PIK3AP1: variants seen among roughly 807,000 people sequenced by gnomAD.
PIK3AP1 encodes the protein phosphoinositide-3-kinase adaptor protein 1.
A neutral mutation model predicts 88.1 loss-of-function variants in PIK3AP1; 21 were observed. That is an observed-to-expected ratio of 0.24 (90% CI 0.17 to 0.34). The LOEUF is 0.34. Ranked by LOEUF, PIK3AP1 falls within the 10% of genes least tolerant of loss-of-function variation. The probability of loss-of-function intolerance (pLI) is 1.00; values close to 1 mark genes in which losing one functional copy is unlikely to be tolerated. For synonymous variants in PIK3AP1, 398 were observed against 400.0 expected, an observed-to-expected ratio of 1.00 and a Z score of 0.06; for missense variants, 828 against 1,035.7, an observed-to-expected ratio of 0.80 and a Z score of 2.75.
intron 3 of PIK3AP1, among the ~76,000 whole-genome samples, chr10:96,656,450 C>T (rs1320169609): frequency 1.3e-5 from 2 of 152,314 alleles, no homozygotes. Flanking sequence ...TCCTTCCTCC[C>T]AGCACTAGGC....
At chr10:96,678,292 A>G (rs1843952899) in intron 2 of PIK3AP1, among the ~76,000 whole-genome samples, 1 of 152,062 alleles carries the variant, frequency 6.6e-6, no homozygotes, top group Non-Finnish European at 1.5e-5. Context: ...AAAATTAGCT[A>G]GGCGTGGTGG....
intron 2 of PIK3AP1, among the ~76,000 whole-genome samples, chr10:96,675,759 C>A (rs1334898489): frequency 6.6e-6 from 1 of 152,152 alleles, no homozygotes; most frequent in Non-Finnish European, 1.5e-5. Context: ...GTGTCTGCCA[C>A]ATAGTAAGTG....
In PIK3AP1 at chr10:96,720,067, G is replaced by A. The variant is rs1564995203; in HGVS notation, c.13+315C>T. ...TTCTCTCAACTCGCCTCTCGCTTCA[G>A]AGTCGGAGGGACAGGGGAAGCGACG... On this transcript the variant is annotated intron_variant, in intron 1 of 16. Coordinates refer to ENST00000339364, the MANE Select transcript of PIK3AP1 (RefSeq NM_152309.3). This position sits in a 1 kb window ranked among gnomAD's most constrained non-coding sequence, Gnocchi z 4.6. Among the ~76,000 whole-genome samples, 1 of 152,180 alleles carries A rather than the reference G, an allele frequency of 6.6e-6. No homozygotes were observed. The highest frequency in any genetic ancestry group is 1.5e-5 in the Non-Finnish European group (1 of 68,026).
intron 2 of PIK3AP1, among the ~76,000 whole-genome samples, chr10:96,671,626 T>C (rs1175668169): frequency 6.6e-6 from 1 of 152,152 alleles, no homozygotes; most frequent in African/African-American, 2.4e-5. Flanking sequence ...GAAGTGTTAG[T>C]GTGAGTTAAT....
intron 8 of PIK3AP1, among the ~76,000 whole-genome samples, chr10:96,643,142 T>G (rs1843413880): frequency 6.6e-6 from 1 of 152,108 alleles, no homozygotes; most frequent in African/African-American, 2.4e-5. Context: ...ATGGATAGGA[T>G]GATGGGCAAG....
intron 13 of PIK3AP1, 53 bp downstream of exon 13, chr10:96,616,586 C>T (rs1849218394): frequency 3.8e-6 from 6 of 1,585,846 alleles, no homozygotes; most frequent in Middle Eastern, 3.3e-4. Context: ...GAGTCAAGGA[C>T]AACAGATGAC....
At chr10:96,607,445 G>A (rs964837422) in intron 14 of PIK3AP1, among the ~76,000 whole-genome samples, 3 of 152,176 alleles carry the variant, frequency 2.0e-5, no homozygotes, top group African/African-American at 7.2e-5. Context: ...ATTAATGGAA[G>A]CAGCTATCTA....
At chr10:96,654,002 T>G (rs1385444703) in intron 3 of PIK3AP1, among the ~76,000 whole-genome samples, 1 of 152,192 alleles carries the variant, frequency 6.6e-6, no homozygotes, top group African/African-American at 2.4e-5. Context: ...ATGCAGAGTC[T>G]CAGGCCCCTC....
At chr10:96,652,501 A>G (rs1843552785) in intron 4 of PIK3AP1, among the ~76,000 whole-genome samples, 197 bp downstream of exon 4, 1 of 152,024 alleles carries the variant, frequency 6.6e-6, no homozygotes, top group Non-Finnish European at 1.5e-5. Context: ...TGAACCTGGG[A>G]GGTGGAGCTT....
chr10:96,670,423 C>G (rs990487490), intron 2 of PIK3AP1, among the ~76,000 whole-genome samples: 1 of 152,114 alleles, frequency 6.6e-6, no homozygotes, highest in African/African-American at 2.4e-5. Context: ...CAAAGCCTAT[C>G]CCAGGCTCCC....
chr10:96,651,731 C>T (rs1224476204), intron 4 of PIK3AP1, 80 bp from the exon 5 acceptor site: 6 of 1,486,234 alleles, frequency 4.0e-6, no homozygotes, highest in African/African-American at 1.4e-5. Context: ...TATACACACT[C>T]CATCTGAGTG....
chr10:96,679,523 G>A (rs944478389), intron 2 of PIK3AP1, among the ~76,000 whole-genome samples: 14 of 150,178 alleles, frequency 9.3e-5, no homozygotes, highest in Non-Finnish European at 1.3e-4. Flanking sequence ...GCAAGACTCC[G>A]TCTCAAAAAA....
intron 14 of PIK3AP1, among the ~76,000 whole-genome samples, chr10:96,609,190 T>G (rs1849060319): frequency 6.6e-6 from 1 of 152,272 alleles, no homozygotes; most frequent in Admixed American, 6.5e-5. Flanking sequence ...TACATTGTTT[T>G]CTGATATTTC....
intron 2 of PIK3AP1, among the ~76,000 whole-genome samples, chr10:96,685,137 C>G (rs1399804393): frequency 6.6e-6 from 1 of 152,164 alleles, no homozygotes; most frequent in Admixed American, 6.5e-5. Context: ...TCTACAAATG[C>G]CACAAAATTC....
chr10:96,715,538 T>C (rs561978875), intron 1 of PIK3AP1, among the ~76,000 whole-genome samples: 4 of 152,372 alleles, frequency 2.6e-5, no homozygotes, highest in African/African-American at 9.6e-5. Flanking sequence ...GAACTCTCTG[T>C]ACTATCTTTG....
chr10:96,688,058 C>G (rs1314496370), intron 2 of PIK3AP1, among the ~76,000 whole-genome samples: 1 of 152,192 alleles, frequency 6.6e-6, no homozygotes. Flanking sequence ...AGAGTAAGCA[C>G]ACTCTTTCTC....
At chr10:96,682,741 C>T (rs981748163) in intron 2 of PIK3AP1, among the ~76,000 whole-genome samples, 53 of 152,204 alleles carry the variant, frequency 3.5e-4, no homozygotes, top group Admixed American at 2.0e-4. Context: ...CAGGGTTTTC[C>T]ATAAACTGAA....
chr10:96,661,822 CAGGACAGGAA>C (rs1843691069), intron 2 of PIK3AP1, among the ~76,000 whole-genome samples: 1 of 139,064 alleles, frequency 7.2e-6, no homozygotes, highest in Non-Finnish European at 1.5e-5. Context: ...CAGGACAGGA[CAGGACAGGAA>C]AGGAAAGGGA....
In PIK3AP1 at chr10:96,663,726, A is replaced by G. The variant is rs529437806; in HGVS notation, c.431-6792T>C. 4.6e-5 allele frequency among the ~76,000 whole-genome samples: 7 copies of G among 151,944 alleles called. No individual in the cohort carries two copies. In the South Asian group the frequency reaches 1.0e-3, roughly 23 times the overall value. ...ATGATAAGGGGCTAATCTTCTTAAT[A>G]TACGAAGATGTCACGAAATCTCTTT... On this transcript the variant is annotated intron_variant, in intron 2 of 16. Transcript: ENST00000339364.
Sources: allele counts gnomAD v4.1 joint callset (sites outside exome capture counted in the v4.1 genomes callset), GRCh38; gene constraint gnomAD v4.1.1; non-coding constraint Gnocchi (gnomAD v3.1); transcripts MANE v1.5; gene names NCBI Gene and HGNC (gene_info 2026-07-23, HGNC 2026-07-21).